PKHD1L1: variants seen among roughly 807,000 people sequenced by gnomAD.
PKHD1L1 encodes the protein fibrocystin-L.
Under a neutral mutation model 462.9 loss-of-function variants are expected in PKHD1L1, and 434 were observed. That is an observed-to-expected ratio of 0.94 (90% confidence interval 0.87 to 1.02). PKHD1L1 has a LOEUF of 1.02. PKHD1L1 is among the 50% of genes least tolerant of loss of function. The pLI is 0.00. For missense variants in PKHD1L1, 5,202 were observed against 5,096.1 expected (o/e 1.02, Z -0.63); for synonymous variants, 1,781 against 1,750.0 (o/e 1.02, Z -0.44).
chr8:109,433,077 A>G (rs1435284131), intron 27 of PKHD1L1, 29 bp from the exon 28 acceptor site: 2 of 1,444,624 alleles, frequency 1.4e-6, no homozygotes, highest in Admixed American at 3.9e-5. Flanking sequence ...TCTAACTTTA[A>G]TATTGTTATT....
rs1274345981 is a variant in PKHD1L1, at chr8:109,504,524, C to A, written c.10994+32C>A. On this transcript the variant is annotated intron_variant, in intron 68 of 77. Transcript: ENST00000378402. ...TACATAAAAATTGTGGTTTTTCTAT[C>A]TTTATAGTTTTTCATTCTCACTTCC... is the stretch of plus-strand genomic sequence containing the variant. 6.8e-6 allele frequency: 9 copies of A among 1,324,188 alleles called. No homozygotes were observed. In the South Asian group the frequency reaches 1.4e-4, roughly 21 times the overall value. 82.0% of individuals were successfully genotyped at this position (1,324,188 alleles called of 1,614,324 possible). A position where few individuals can be genotyped will look rare whatever the true frequency, so the allele number is the denominator to read the frequency against.
Position 109,459,711 on chromosome 8 carries a change from C to A in PKHD1L1, c.7121C>A (p.Pro2374His), listed in dbSNP as rs117272813. 54 of 1,612,010 alleles carry A rather than the reference C, an allele frequency of 3.3e-5. No individual in the cohort carries two copies. The East Asian group carries it at 8.7e-4, about 26-fold the overall frequency. ...YTHLGITVTL[P>H]DGTLFEARAE... Reference sequence around the variant, plus strand: ...CACTTAGGAATTACGGTCACACTCCCTGATGGAACTCTGTTTGAAGCAAGA... The same window carrying A: ...CACTTAGGAATTACGGTCACACTCCATGATGGAACTCTGTTTGAAGCAAGA... Residue 2374 changes from proline to histidine, a missense_variant, in exon 47 of 78, where the codon CCT becomes CAT. Physicochemically the swap from Pro to His is moderately conservative, Grantham distance 77. Transcript: ENST00000378402.
Position 109,522,330 on chromosome 8 carries a change from G to T in PKHD1L1, c.12176G>T (p.Trp4059Leu). 6.4e-7 allele frequency: 1 copy of T among 1,559,038 alleles called. No homozygotes were observed. The highest frequency in any genetic ancestry group is 1.2e-5 in the South Asian group (1 of 81,670). The change falls in exon 74 of 78, where the codon TGG (tryptophan) becomes TTG (leucine). Residue 4059 changes from tryptophan to leucine, a missense_variant. This residue lies in a region of PKHD1L1 where 698 missense variants were observed against 736.3 expected (regional missense o/e 0.95). Coordinates refer to ENST00000378402, the MANE Select transcript of PKHD1L1 (RefSeq NM_177531.6). ...CTCCCCAGCCCAAGTGACTCTGGGT[G>T]GATTAAGGTAAGAAAATGCAACTAG... ...NPLPSPSDSGWIKVTAQPVER... is the reference protein window; with the variant it reads ...NPLPSPSDSGLIKVTAQPVER...
chr8:109,406,195 T>A (rs1813525932), intron 16 of PKHD1L1, 140 bp from the exon 17 acceptor site: 1 of 693,962 alleles, frequency 1.4e-6, no homozygotes, highest in African/African-American at 1.9e-5. Flanking sequence ...CAAAATACAA[T>A]TTCTCTAAGT....
At chr8:109,416,948 T>A (rs949289104) in intron 21 of PKHD1L1, among the ~76,000 whole-genome samples, 2 of 152,182 alleles carry the variant, frequency 1.3e-5, no homozygotes, top group African/African-American at 4.8e-5. Context: ...TGCTATGAAC[T>A]CCTCCACTGC....
Position 109,497,408 on chromosome 8 carries a change from G to A in PKHD1L1, c.10599+136G>A, listed in dbSNP as rs563273597. The stretch of plus-strand genomic sequence containing the variant: ...ACACCTCCCTGCCTTTGTTCCCACT[G>A]CCCTCTGCCTAAAAAACCGTTCTTT... On this transcript the variant is annotated intron_variant, in intron 65 of 77. Transcript: ENST00000378402. The A allele has an allele frequency of 1.5e-4, 151 of 985,876 alleles. 1 individual carries two copies. The highest frequency in any genetic ancestry group is 2.1e-4 in the Non-Finnish European group (145 of 707,232). 61.1% of individuals were successfully genotyped at this position (985,876 alleles called of 1,614,324 possible).
rs1274878394 is a variant in PKHD1L1, at chr8:109,490,956, T to C, written c.9985-16T>C. On this transcript the variant is annotated splice_polypyrimidine_tract_variant and intron_variant, in intron 60 of 77. Coordinates refer to ENST00000378402, the MANE Select transcript of PKHD1L1 (RefSeq NM_177531.6). ...TTTTATTTTAAAAATGTTCTCTGTA[T>C]CCCAATGTTGTATAGATTCAAGAAC... 8.2e-6 allele frequency: 13 copies of C among 1,581,494 alleles called. No individual in the cohort carries two copies. The East Asian group carries it at 2.9e-4, about 36-fold the overall frequency.
At chr8:109,420,816 G>A (rs1814424134) in intron 23 of PKHD1L1, 126 bp downstream of exon 23, 1 of 703,000 alleles carries the variant, frequency 1.4e-6, no homozygotes, top group South Asian at 5.8e-5. Context: ...GTTATATGAA[G>A]ATTTGGAGTA....
intron 5 of PKHD1L1, among the ~76,000 whole-genome samples, chr8:109,384,952 T>C (rs1356681578): frequency 1.3e-5 from 2 of 152,030 alleles, no homozygotes; most frequent in African/African-American, 4.8e-5. Context: ...ATATTAACCA[T>C]TTATATGTTA....
At position 109,425,177 on chromosome 8, in the gene PKHD1L1, A is replaced by G. The variant is rs762018396; in HGVS notation, c.2790A>G (p.Ala930=). ...SKIHIQRIQA[A]SPPLSGSFDI... ...TTCATATTCAAAGAATTCAAGCTGC[A>G]TCTCCACCTCTAAGTGGCAGCTTTG... is the stretch of plus-strand genomic sequence containing the variant. Residue 930 remains alanine, a synonymous_variant, in exon 24 of 78, where the codon GCA becomes GCG. Coordinates refer to ENST00000378402, the MANE Select transcript of PKHD1L1 (RefSeq NM_177531.6). The G allele has an allele frequency of 1.9e-6, 3 of 1,610,302 alleles. No homozygotes were observed. Among genetic ancestry groups the G allele is most frequent in the Non-Finnish European group, 2.5e-6 (3 of 1,178,488 alleles).
rs764774802 is a variant in PKHD1L1 at position 109,396,014 on chromosome 8, G to A, written c.812-13G>A. The A allele has an allele frequency of 1.9e-6, 3 of 1,538,962 alleles. No homozygotes were observed. Among genetic ancestry groups the A allele is most frequent in the East Asian group, 4.7e-5 (2 of 42,658 alleles). ...ATATTTATGATATTTTATTTAATGT[G>A]GTTTTCCCCCAGAGGTCACCATGAT... is the stretch of plus-strand genomic sequence containing the variant. On this transcript the variant is annotated splice_polypyrimidine_tract_variant and intron_variant, in intron 10 of 77. Transcript: ENST00000378402.
intron 4 of PKHD1L1, 146 bp from the exon 5 acceptor site, chr8:109,383,924 G>C (rs911125878): frequency 3.0e-6 from 2 of 666,980 alleles, no homozygotes; most frequent in African/African-American, 3.7e-5. Flanking sequence ...TAACTCTTAG[G>C]TTCATCTTAT....
chr8:109,407,828 T>C (rs1385168068), intron 17 of PKHD1L1, among the ~76,000 whole-genome samples: 1 of 152,146 alleles, frequency 6.6e-6, no homozygotes, highest in Non-Finnish European at 1.5e-5. Flanking sequence ...CTTAAATATA[T>C]AGCACTTTGT....
At chr8:109,475,403 TC>T in intron 51 of PKHD1L1, 134 bp downstream of exon 51, 1 of 770,884 alleles carries the variant, frequency 1.3e-6, no homozygotes, top group African/African-American at 1.8e-5. Flanking sequence ...TCCTGCACAT[TC>T]TTTGTGAGCC....
At chr8:109,375,653 T>C (rs1264840459) in intron 2 of PKHD1L1, among the ~76,000 whole-genome samples, 1 of 152,038 alleles carries the variant, frequency 6.6e-6, no homozygotes, top group Non-Finnish European at 1.5e-5. Flanking sequence ...TGGTCTTTGA[T>C]GATGGTGACG....
chr8:109,444,140 G>C (rs916445947), intron 37 of PKHD1L1, among the ~76,000 whole-genome samples: 1 of 149,488 alleles, frequency 6.7e-6, no homozygotes, highest in Non-Finnish European at 1.5e-5. Flanking sequence ...AAACCCTAAA[G>C]CCCTTAGATA....
At position 109,475,199 on chromosome 8, in the gene PKHD1L1, T is replaced by C; in HGVS notation, c.8687T>C (p.Ile2896Thr). ...WMALIPNANH[I>T]NWYFKGVDHI... Reference sequence around the variant, plus strand: ...GCTCTGATTCCAAATGCAAATCACATTAACTGGTATTTTAAAGGTGTGGAT... The same window carrying C: ...GCTCTGATTCCAAATGCAAATCACACTAACTGGTATTTTAAAGGTGTGGAT... Residue 2896 changes from isoleucine (I) to threonine (T), a missense_variant, in exon 51 of 78, where the codon ATT (isoleucine) becomes ACT (threonine). Physicochemically the swap from Ile to Thr is moderately conservative, Grantham distance 89. Around this residue, in one of 3 missense-constraint regions of PKHD1L1, gnomAD observed 4,497 missense variants for 4,336.8 expected, o/e 1.04. Transcript: ENST00000378402. 6.2e-7 allele frequency: 1 copy of C among 1,612,476 alleles called. No individual in the cohort carries two copies. The highest frequency in any genetic ancestry group is 1.1e-5 in the South Asian group (1 of 91,018).
intron 38 of PKHD1L1, 41 bp downstream of exon 38, chr8:109,445,686 C>CAA (rs748520767): frequency 1.0e-5 from 15 of 1,482,136 alleles, no homozygotes; most frequent in Non-Finnish European, 1.3e-5. Flanking sequence ...ATTATAGTAT[C>CAA]GATAATATTT....
intron 19 of PKHD1L1, among the ~76,000 whole-genome samples, chr8:109,412,012 T>G: frequency 6.6e-6 from 1 of 152,014 alleles, no homozygotes; most frequent in East Asian, 1.9e-4. Flanking sequence ...AATGAATAAA[T>G]ACCCGTAAAG....
Sources: gnomAD v4.1 joint callset for allele counts (sites outside exome capture counted in the v4.1 genomes callset) on GRCh38, gnomAD v4.1.1 for gene constraint, gnomAD v4.1.1 regional missense constraint, MANE v1.5 for transcripts, NCBI Gene and HGNC (gene_info 2026-07-23, HGNC 2026-07-21) for gene names.